Variants in SH3RF3 observed in about 807,000 individuals in gnomAD.
SH3RF3 encodes the protein SH3 domain containing ring finger 3.
A neutral mutation model predicts 66.3 loss-of-function variants in SH3RF3; 29 were observed. That is an observed-to-expected ratio of 0.44 (90% confidence interval 0.33 to 0.60). The LOEUF is 0.60. SH3RF3 is among the 20% of genes least tolerant of loss of function. SH3RF3 has a pLI of 0.04. For missense variants in SH3RF3, 1,194 were observed against 1,190.9 expected, an observed-to-expected ratio of 1.00 and a Z score of -0.04; for synonymous variants, 583 against 532.0, an observed-to-expected ratio of 1.10 and a Z score of -1.32.
intron 1 of SH3RF3, among the ~76,000 whole-genome samples, chr2:109,201,115 C>T (rs549524330): frequency 1.3e-3 from 192 of 152,334 alleles, no homozygotes; most frequent in Admixed American, 5.2e-3. Context: ...TCAGCACAGA[C>T]CTTATTTTAT....
intron 3 of SH3RF3, among the ~76,000 whole-genome samples, chr2:109,374,420 T>C (rs2105695742): frequency 1.3e-5 from 2 of 152,250 alleles, no homozygotes; most frequent in African/African-American, 4.8e-5. Context: ...TACTGACTGC[T>C]TGCACGCCAC....
intron 3 of SH3RF3, among the ~76,000 whole-genome samples, chr2:109,388,624 A>G (rs1337817610): frequency 6.6e-6 from 1 of 152,252 alleles, no homozygotes; most frequent in Non-Finnish European, 1.5e-5. Context: ...TGCTAGCTGC[A>G]TTCATTCAAA....
chr2:109,271,270 C>A (rs560218496), intron 1 of SH3RF3, among the ~76,000 whole-genome samples: 26 of 152,284 alleles, frequency 1.7e-4, no homozygotes, highest in Non-Finnish European at 3.7e-4. Context: ...GGCCCTGCAC[C>A]CAGGAGTCTC....
intron 1 of SH3RF3, among the ~76,000 whole-genome samples, chr2:109,192,762 A>G (rs1041321557): frequency 6.6e-6 from 1 of 152,218 alleles, no homozygotes; most frequent in African/African-American, 2.4e-5. Context: ...GCAGCCACCC[A>G]TGGAAGTCAC....
At chr2:109,419,426 C>A in intron 4 of SH3RF3, 113 bp from the exon 5 acceptor site, 1 of 1,137,782 alleles carries the variant, frequency 8.8e-7, no homozygotes, top group Non-Finnish European at 1.3e-6. Flanking sequence ...GGCCAAACAG[C>A]CAGGCAGCTG....
At chr2:109,266,199 T>TTGTGTGC (rs1217561005) in intron 1 of SH3RF3, among the ~76,000 whole-genome samples, 1 of 151,310 alleles carries the variant, frequency 6.6e-6, no homozygotes, top group Non-Finnish European at 1.5e-5. Flanking sequence ...GTGTTGTGTG[T>TTGTGTGC]TGTGTGCATA....
chr2:109,259,257 A>T (rs1574534902), intron 1 of SH3RF3, among the ~76,000 whole-genome samples: 1 of 152,194 alleles, frequency 6.6e-6, no homozygotes, highest in Admixed American at 6.5e-5. Flanking sequence ...GAGCACCCAG[A>T]CCTGCAGCTG....
At chr2:109,302,274 A>ATT (rs35786699) in intron 1 of SH3RF3, among the ~76,000 whole-genome samples, 1 of 151,992 alleles carries the variant, frequency 6.6e-6, no homozygotes, top group East Asian at 1.9e-4. Flanking sequence ...ATCCTGGGGC[A>ATT]TTTTTTTGTG....
At chr2:109,306,491 G>C (rs1416200557) in intron 1 of SH3RF3, among the ~76,000 whole-genome samples, 4 of 152,216 alleles carry the variant, frequency 2.6e-5, no homozygotes, top group African/African-American at 9.6e-5. Flanking sequence ...AGGTGCCATG[G>C]AGGGGCAGGG....
chr2:109,447,107 A>G (rs912531561), intron 7 of SH3RF3, among the ~76,000 whole-genome samples: 1 of 151,294 alleles, frequency 6.6e-6, no homozygotes, highest in Admixed American at 6.6e-5. Context: ...GTTAGGATCA[A>G]ATGTTTCAAG....
At chr2:109,270,674 G>A (rs550209058) in intron 1 of SH3RF3, among the ~76,000 whole-genome samples, 16 of 152,306 alleles carry the variant, frequency 1.1e-4, no homozygotes, top group South Asian at 2.1e-4. Flanking sequence ...TCTTGGCCCC[G>A]TATCTGGGCC....
At chr2:109,421,550 C>G (rs1676879053) in intron 5 of SH3RF3, among the ~76,000 whole-genome samples, 1 of 152,196 alleles carries the variant, frequency 6.6e-6, no homozygotes, top group South Asian at 2.1e-4. Flanking sequence ...TGGATGGCTT[C>G]TAAATTTGGT....
chr2:109,188,755 C>T (rs1678263121), intron 1 of SH3RF3, among the ~76,000 whole-genome samples: 1 of 152,158 alleles, frequency 6.6e-6, no homozygotes, highest in Admixed American at 6.5e-5. Flanking sequence ...TGAGAGACAC[C>T]ATCGCAGAAG....
intron 2 of SH3RF3, among the ~76,000 whole-genome samples, chr2:109,352,192 A>G (rs575761522): frequency 1.1e-4 from 17 of 152,178 alleles, no homozygotes; most frequent in Admixed American, 2.0e-4. Flanking sequence ...TCCAATAAAT[A>G]TTTGCTGTCT....
chr2:109,150,314 G>T (rs1014521194), intron 1 of SH3RF3, among the ~76,000 whole-genome samples: 4 of 152,038 alleles, frequency 2.6e-5, no homozygotes, highest in African/African-American at 7.2e-5. Context: ...AGGGTTGGGG[G>T]AGGGGGCATG....
chr2:109,296,221 C>CTATTATTATTATTATTAT (rs111322381), intron 1 of SH3RF3, among the ~76,000 whole-genome samples: 19 of 151,430 alleles, frequency 1.3e-4, no homozygotes, highest in African/African-American at 4.1e-4. Flanking sequence ...ACAGAATGAC[C>CTATTATTATTATTATTAT]TAGTATTATT....
intron 5 of SH3RF3, among the ~76,000 whole-genome samples, chr2:109,421,148 GA>G (rs1230231535): frequency 6.6e-6 from 1 of 152,210 alleles, no homozygotes; most frequent in African/African-American, 2.4e-5. Flanking sequence ...TCTTCTTGAA[GA>G]ATTGGATGCA....
At chr2:109,356,260 A>T (rs558410930) in intron 2 of SH3RF3, among the ~76,000 whole-genome samples, 1 of 152,238 alleles carries the variant, frequency 6.6e-6, no homozygotes, top group East Asian at 1.9e-4. Context: ...GGAACATTCT[A>T]GATCCCACCG....
rs377562251 is a variant in SH3RF3 at position 109,371,600 on chromosome 2, G to A, written c.864G>A (p.Thr288=). ...CLTFTKDEIL[T]VLRRVDENWA... ...CGGAACTGCAGGACGAGATTCTGAC[G>A]GTGCTCAGGAGAGTGGATGAGAACT... The change falls in exon 3 of 10, where the codon ACG becomes ACA. Residue 288 remains threonine (T), a synonymous_variant. Coordinates refer to ENST00000309415, the MANE Select transcript of SH3RF3 (RefSeq NM_001099289.3). 14 of 1,613,842 alleles carry A rather than the reference G, an allele frequency of 8.7e-6. No homozygotes were observed. Among genetic ancestry groups the A allele is most frequent in the East Asian group, 4.5e-5 (2 of 44,892 alleles).
Sources: allele counts gnomAD v4.1 joint callset (sites outside exome capture counted in the v4.1 genomes callset), GRCh38; gene constraint gnomAD v4.1.1; transcripts MANE v1.5; gene names NCBI Gene and HGNC (gene_info 2026-07-23, HGNC 2026-07-21).